CDH12: variants seen among roughly 807,000 people sequenced by gnomAD.
The protein encoded by CDH12 is cadherin 12.
In CDH12, 41 loss-of-function variants were observed where a neutral mutation model predicts 74.1. That is an observed-to-expected ratio of 0.55 (90% confidence interval 0.43 to 0.72). The LOEUF (loss-of-function observed/expected upper bound fraction) is 0.72, where lower values mean the gene tolerates loss of function less well. Ranked by LOEUF, CDH12 falls within the 30% of genes least tolerant of loss-of-function variation. The pLI, the probability that CDH12 is intolerant of heterozygous loss-of-function variation, is 0.00. For missense variants in CDH12, 945 were observed against 977.2 expected, an observed-to-expected ratio of 0.97 and a Z score of 0.44; for synonymous variants, 399 against 355.0, an observed-to-expected ratio of 1.12 and a Z score of -1.39.
intron 4 of CDH12, chr5:22,143,162 C>T (rs1483096247): frequency 6.6e-6 from 1 of 152,242 alleles, no homozygotes; most frequent in Non-Finnish European, 1.5e-5. Context: ...ACCTTACATA[C>T]ACTCTAGACC....
chr5:22,221,430 G>T lies in CDH12; in HGVS notation c.-332-8787C>A, dbSNP rs1259935866. On this transcript the variant is annotated intron_variant, in intron 3 of 14. Coordinates refer to ENST00000382254, the MANE Select transcript of CDH12 (RefSeq NM_004061.5). ...GTAAATGTGTCAGTGTTGTATAAATGATAAAGATAAAAACTGATTTCTTTC... is the reference window on the plus strand; with the variant it reads ...GTAAATGTGTCAGTGTTGTATAAATTATAAAGATAAAAACTGATTTCTTTC... 4.0e-5 allele frequency among the ~76,000 whole-genome samples: 6 copies of T among 151,890 alleles called. No homozygotes were observed. The East Asian group carries it at 1.2e-3, about 29-fold the overall frequency.
chr5:21,814,812 T>C (rs1475653946), intron 9 of CDH12, among the ~76,000 whole-genome samples: 1 of 151,526 alleles, frequency 6.6e-6, no homozygotes, highest in Admixed American at 6.6e-5. Context: ...TTTGTTCCAT[T>C]TGAATAGATG....
At chr5:22,109,089 G>A (rs1306158688) in intron 4 of CDH12, among the ~76,000 whole-genome samples, 1 of 151,974 alleles carries the variant, frequency 6.6e-6, no homozygotes, top group Non-Finnish European at 1.5e-5. Flanking sequence ...CTTTATAAGG[G>A]GCTGATCATC....
chr5:22,283,050 T>C (rs1305423772), intron 3 of CDH12, among the ~76,000 whole-genome samples: 1 of 151,970 alleles, frequency 6.6e-6, no homozygotes, highest in African/African-American at 2.4e-5. Context: ...CATGGAATAC[T>C]ATGCAGCCAT....
At chr5:22,359,590 T>G (rs1245985544) in intron 3 of CDH12, among the ~76,000 whole-genome samples, 1 of 152,126 alleles carries the variant, frequency 6.6e-6, no homozygotes, top group Non-Finnish European at 1.5e-5. Context: ...CTAATAGACA[T>G]CTACAGAACT....
At chr5:22,428,924 A>C (rs1009078647) in intron 2 of CDH12, among the ~76,000 whole-genome samples, 11 of 152,124 alleles carry the variant, frequency 7.2e-5, no homozygotes, top group Non-Finnish European at 1.2e-4. Context: ...AGGCTTTAAA[A>C]AGCTCAGGCC....
At chr5:22,189,620 G>A (rs530362283) in intron 4 of CDH12, among the ~76,000 whole-genome samples, 13 of 152,176 alleles carry the variant, frequency 8.5e-5, no homozygotes, top group Admixed American at 2.6e-4. Flanking sequence ...GAAACGAAAG[G>A]AGCCATAAAT....
intron 5 of CDH12, among the ~76,000 whole-genome samples, chr5:22,013,136 G>A (rs1007813701): frequency 2.0e-5 from 3 of 152,162 alleles, no homozygotes; most frequent in African/African-American, 7.2e-5. Context: ...AAAGGAAAGA[G>A]GTTTAACTGA....
chr5:22,533,089 A>AT (rs1371238960), intron 1 of CDH12, among the ~76,000 whole-genome samples: 3 of 151,896 alleles, frequency 2.0e-5, no homozygotes, highest in East Asian at 1.9e-4. Context: ...TGTCTTTGTT[A>AT]TTTTTTTCTT....
intron 6 of CDH12, among the ~76,000 whole-genome samples, chr5:21,942,319 T>C (rs1391448216): frequency 1.4e-5 from 2 of 142,446 alleles, no homozygotes; most frequent in Non-Finnish European, 3.0e-5. Context: ...CTCCAGCCAC[T>C]ATGAGACAAA....
Position 21,935,755 on chromosome 5 carries a change from C to T in CDH12, c.526+39336G>A, listed in dbSNP as rs945764207. Reference sequence around the variant, plus strand: ...GCTTTCCTCCCAAACCCTCACTACCCTTCTCAGCCTGTTAACCTTTATACT... The same window carrying T: ...GCTTTCCTCCCAAACCCTCACTACCTTTCTCAGCCTGTTAACCTTTATACT... On this transcript the variant is annotated intron_variant, in intron 6 of 14. Coordinates refer to ENST00000382254, the MANE Select transcript of CDH12 (RefSeq NM_004061.5). Among the ~76,000 whole-genome samples the T allele has an allele frequency of 2.6e-4, 39 of 152,302 alleles. 1 individual carries two copies. Among genetic ancestry groups the T allele is most frequent in the Admixed American group, 2.2e-3 (34 of 15,292 alleles).
intron 2 of CDH12, among the ~76,000 whole-genome samples, chr5:22,430,390 G>C (rs1744119704): frequency 6.7e-6 from 1 of 149,998 alleles, no homozygotes; most frequent in Admixed American, 6.6e-5. Flanking sequence ...CCATAAAACA[G>C]AGTAAAAAAA....
intron 11 of CDH12, among the ~76,000 whole-genome samples, chr5:21,776,038 A>T (rs924229642): frequency 6.6e-6 from 1 of 152,180 alleles, no homozygotes; most frequent in African/African-American, 2.4e-5. Context: ...AATGTGGGAA[A>T]AGAGGAGATG....
chr5:22,483,341 C>T (rs1257806365), intron 2 of CDH12, among the ~76,000 whole-genome samples: 1 of 151,900 alleles, frequency 6.6e-6, no homozygotes, highest in Non-Finnish European at 1.5e-5. Flanking sequence ...TGAACACATT[C>T]TTTTTTTAAA....
chr5:22,802,430 A>C (rs1299980959), intron 1 of CDH12, among the ~76,000 whole-genome samples: 1 of 152,140 alleles, frequency 6.6e-6, no homozygotes, highest in South Asian at 2.1e-4. Context: ...CAGAATATTA[A>C]ATTCTAATTT....
chr5:22,753,288 T>G (rs2127038626), intron 1 of CDH12, among the ~76,000 whole-genome samples: 1 of 151,726 alleles, frequency 6.6e-6, no homozygotes, highest in African/African-American at 2.4e-5. Flanking sequence ...ATACAAAAAA[T>G]TAGCCGGGCA....
chr5:21,934,891 A>C (rs2150084503), intron 6 of CDH12, among the ~76,000 whole-genome samples: 1 of 151,972 alleles, frequency 6.6e-6, no homozygotes, highest in African/African-American at 2.4e-5. Context: ...AGTTCATGCC[A>C]TTCTCCTGCC....
intron 3 of CDH12, among the ~76,000 whole-genome samples, chr5:22,264,260 T>C (rs2150395918): frequency 6.6e-6 from 1 of 152,180 alleles, no homozygotes; most frequent in Middle Eastern, 3.4e-3. Context: ...AACTCAGATA[T>C]GTGTGGGTAA....
intron 4 of CDH12, among the ~76,000 whole-genome samples, chr5:22,091,297 GAA>G (rs1350886051): frequency 8.8e-5 from 13 of 148,416 alleles, no homozygotes; most frequent in African/African-American, 3.0e-4. Flanking sequence ...GTGTGAGAGA[GAA>G]AGAGAGAGAG....
Sources: gnomAD v4.1 joint callset for allele counts (sites outside exome capture counted in the v4.1 genomes callset) on GRCh38, gnomAD v4.1.1 for gene constraint, MANE v1.5 for transcripts, NCBI Gene and HGNC (gene_info 2026-07-23, HGNC 2026-07-21) for gene names.